The following AKAP6 variants were observed in gnomAD, a reference collection of about 807,000 sequenced individuals.
The protein encoded by AKAP6 is A-kinase anchor protein 6.
AKAP6 carries 58 observed loss-of-function variants against 188.5 expected under a neutral mutation model. The observed-to-expected ratio is 0.31, with a 90% CI of 0.25 to 0.38. The LOEUF is 0.38. Among genes scored for constraint, AKAP6 ranks in the 10% least tolerant of loss-of-function variants. The pLI is 1.00. For missense variants in AKAP6, 2,710 were observed against 2,740.0 expected, an observed-to-expected ratio of 0.99 and a Z score of 0.24; for synonymous variants, 989 against 998.6, an observed-to-expected ratio of 0.99 and a Z score of 0.18.
chr14:32,354,272 T>C (rs1183740157), intron 1 of AKAP6, among the ~76,000 whole-genome samples: 2 of 149,828 alleles, frequency 1.3e-5, no homozygotes, highest in Non-Finnish European at 3.0e-5. Context: ...TATAGATCAA[T>C]GGAACAGAAC....
intron 1 of AKAP6, among the ~76,000 whole-genome samples, chr14:32,381,036 C>T (rs538662651): frequency 7.9e-5 from 12 of 152,056 alleles, no homozygotes; most frequent in Middle Eastern, 3.4e-3. Context: ...TTTAAAGATA[C>T]GTATTAATAG....
At chr14:32,518,095 G>C (rs1435376760) in intron 2 of AKAP6, among the ~76,000 whole-genome samples, 2 of 152,068 alleles carry the variant, frequency 1.3e-5, no homozygotes, top group African/African-American at 2.4e-5. Flanking sequence ...TTCTGGAGTG[G>C]ACCTCCAGCA....
chr14:32,424,191 A>C (rs890830507), intron 1 of AKAP6, among the ~76,000 whole-genome samples: 2 of 152,150 alleles, frequency 1.3e-5, no homozygotes, highest in African/African-American at 4.8e-5. Flanking sequence ...CTGTAATTGA[A>C]TTATTCTTTT....
intron 7 of AKAP6, among the ~76,000 whole-genome samples, chr14:32,635,307 A>G (rs548169506): frequency 2.0e-5 from 3 of 152,210 alleles, no homozygotes; most frequent in South Asian, 2.1e-4. Context: ...TGTATGAGTC[A>G]TAGTTAGAGT....
At chr14:32,470,184 G>A (rs1878694405) in intron 2 of AKAP6, among the ~76,000 whole-genome samples, 1 of 152,148 alleles carries the variant, frequency 6.6e-6, no homozygotes, top group Non-Finnish European at 1.5e-5. Context: ...ACTACTCAAA[G>A]TGTGGTCTGT....
chr14:32,775,337 G>T (rs1426190278), intron 12 of AKAP6, among the ~76,000 whole-genome samples: 1 of 152,100 alleles, frequency 6.6e-6, no homozygotes, highest in East Asian at 1.9e-4. Context: ...CTGCTTTGGA[G>T]GAGGCAAAGT....
chr14:32,822,391 A>C lies in AKAP6; in HGVS notation c.4578A>C (p.Glu1526Asp). 6.2e-7 allele frequency: 1 copy of C among 1,613,994 alleles called. No homozygotes were observed. Among genetic ancestry groups the C allele is most frequent in the Non-Finnish European group, 8.5e-7 (1 of 1,179,940 alleles). Reference protein sequence around the residue: ...TELQPDVPPHERILASASHEM... With the variant: ...TELQPDVPPHDRILASASHEM... ...TACAACCAGATGTACCTCCCCATGA[A>C]AGGATTTTGGCAAGTGCATCTCATG... Residue 1526 changes from glutamate (E) to aspartate (D), a missense_variant, in exon 13 of 14, where the codon GAA (glutamate) becomes GAC (aspartate). Physicochemically the swap from Glu to Asp is conservative, Grantham distance 45. Coordinates refer to ENST00000280979, the MANE Select transcript of AKAP6 (RefSeq NM_004274.5).
intron 7 of AKAP6, among the ~76,000 whole-genome samples, chr14:32,636,105 C>T (rs1413106918): frequency 1.3e-5 from 2 of 152,200 alleles, no homozygotes; most frequent in African/African-American, 2.4e-5. Context: ...TTAAAATAAA[C>T]GTGCTCCCTA....
At position 32,732,995 on chromosome 14, in the gene AKAP6, G is replaced by C. The variant is rs142744235; in HGVS notation, c.3147+395G>C. The C allele has an allele frequency of 3.1e-3, 855 of 279,670 alleles. 2 individuals carry two copies. Among genetic ancestry groups the C allele is most frequent in the African/African-American group, 0.017 (787 of 45,640 alleles). The allele number at this position is 279,670 out of a possible 1,614,324, so 17.3% of individuals were successfully genotyped here. On this transcript the variant is annotated intron_variant, in intron 10 of 13. Transcript: ENST00000280979. ...GACATCTACTGTTTAACTATTTACT[G>C]TACCCTTAAGATGAAAAGTGGAGTT...
In AKAP6 at chr14:32,678,308, C is replaced by G. The variant is rs772268451; in HGVS notation, c.2731-3C>G. 6.2e-7 allele frequency: 1 copy of G among 1,603,588 alleles called. No homozygotes were observed. The highest frequency in any genetic ancestry group is 2.2e-5 in the East Asian group (1 of 44,456). ...AGCAATTTCTCTTTGTTTCTCTTTC[C>G]AGGCTGAGGTTCAACTATGCTACCT... On this transcript the variant is annotated splice_polypyrimidine_tract_variant and splice_region_variant and intron_variant, in intron 7 of 13. Transcript: ENST00000280979.
At chr14:32,793,212 A>G (rs2033662096) in intron 12 of AKAP6, among the ~76,000 whole-genome samples, 2 of 152,204 alleles carry the variant, frequency 1.3e-5, no homozygotes. Context: ...TAAATGCCCC[A>G]ATTAAAAGAC....
intron 2 of AKAP6, among the ~76,000 whole-genome samples, chr14:32,468,473 G>A (rs970405568): frequency 6.6e-6 from 1 of 152,112 alleles, no homozygotes; most frequent in Non-Finnish European, 1.5e-5. Context: ...TAGATTGGGA[G>A]CTTCTTGAGG....
At chr14:32,780,988 A>C (rs2033232672) in intron 12 of AKAP6, among the ~76,000 whole-genome samples, 1 of 152,182 alleles carries the variant, frequency 6.6e-6, no homozygotes, top group South Asian at 2.1e-4. Context: ...GTGGGATGCC[A>C]CCAAAACTAA....
intron 12 of AKAP6, among the ~76,000 whole-genome samples, chr14:32,784,785 A>G (rs2033352198): frequency 6.6e-6 from 1 of 152,210 alleles, no homozygotes; most frequent in African/African-American, 2.4e-5. Context: ...AAAGGTGTGG[A>G]CGCAGGCGTA....
At chr14:32,385,361 A>G (rs556381263) in intron 1 of AKAP6, among the ~76,000 whole-genome samples, 1 of 148,750 alleles carries the variant, frequency 6.7e-6, no homozygotes, top group Non-Finnish European at 1.5e-5. Flanking sequence ...TAAGATTGTT[A>G]TTTTTTATTT....
At chr14:32,627,648 G>T (rs189831014) in intron 7 of AKAP6, among the ~76,000 whole-genome samples, 1 of 152,116 alleles carries the variant, frequency 6.6e-6, no homozygotes, top group African/African-American at 2.4e-5. Context: ...CTCAGTTCAT[G>T]GCAGTTTCCA....
At chr14:32,538,386 C>T (rs1008780623) in intron 3 of AKAP6, among the ~76,000 whole-genome samples, 2 of 152,024 alleles carry the variant, frequency 1.3e-5, no homozygotes, top group African/African-American at 2.4e-5. Context: ...GATGTCCTTC[C>T]AGTAAAGGAA....
intron 1 of AKAP6, among the ~76,000 whole-genome samples, chr14:32,378,592 T>A (rs1289309132): frequency 6.6e-6 from 1 of 152,150 alleles, no homozygotes; most frequent in African/African-American, 2.4e-5. Context: ...TAACAGGAAA[T>A]AATATTTATT....
chr14:32,599,301 G>T, intron 5 of AKAP6, 109 bp from the exon 6 acceptor site: 1 of 800,614 alleles, frequency 1.2e-6, no homozygotes, highest in South Asian at 2.1e-5. Context: ...TTTGTCTATT[G>T]GGTAAATTGG....
Sources: allele counts gnomAD v4.1 joint callset (sites outside exome capture counted in the v4.1 genomes callset), GRCh38; gene constraint gnomAD v4.1.1; transcripts MANE v1.5; gene names NCBI Gene and HGNC (gene_info 2026-07-23, HGNC 2026-07-21).